Variants in EEFSEC observed in about 807,000 individuals in gnomAD.
The protein encoded by EEFSEC is eukaryotic elongation factor, selenocysteine-tRNA specific.
A neutral mutation model predicts 42.1 loss-of-function variants in EEFSEC; 43 were observed. The ratio of observed to expected loss-of-function variants is 1.02; its 90% confidence interval spans 0.80 to 1.32. The LOEUF is 1.32. Among genes scored for constraint, EEFSEC ranks in the 40% most tolerant of loss-of-function variants. EEFSEC has a pLI of 0.00. For missense variants in EEFSEC, 745 were observed against 803.6 expected, an observed-to-expected ratio of 0.93 and a Z score of 0.88; for synonymous variants, 354 against 339.1, an observed-to-expected ratio of 1.04 and a Z score of -0.48.
In EEFSEC at chr3:128,383,697, G is replaced by C. The variant is rs149167136; in HGVS notation, c.1601-24372G>C. On this transcript the variant is annotated intron_variant, in intron 6 of 6. Coordinates refer to ENST00000254730, the MANE Select transcript of EEFSEC (RefSeq NM_021937.5). ...ACTTGGCAGGCACCACCCCCTTCCT[G>C]GCCTCGTGCCAGGCCCTGAGTCAGA... 7.3e-3 allele frequency among the ~76,000 whole-genome samples: 1,117 copies of C among 152,370 alleles called. 2 individuals carry two copies. Among genetic ancestry groups the C allele is most frequent in the South Asian group, 0.024 (117 of 4,828 alleles).
chr3:128,364,664 C>T (rs2067567448), intron 6 of EEFSEC, among the ~76,000 whole-genome samples: 1 of 152,228 alleles, frequency 6.6e-6, no homozygotes, highest in Non-Finnish European at 1.5e-5. Flanking sequence ...CATTCATCTA[C>T]TGCTGACTCT....
chr3:128,374,536 G>T (rs1412236614), intron 6 of EEFSEC, among the ~76,000 whole-genome samples: 1 of 152,068 alleles, frequency 6.6e-6, no homozygotes, highest in African/African-American at 2.4e-5. Flanking sequence ...AGACCTAGGG[G>T]GCTTTCTACT....
intron 6 of EEFSEC, among the ~76,000 whole-genome samples, chr3:128,390,804 A>G (rs2067903535): frequency 6.6e-6 from 1 of 152,062 alleles, no homozygotes. Flanking sequence ...CTCATACCCC[A>G]TGATCACCCC....
intron 1 of EEFSEC, among the ~76,000 whole-genome samples, chr3:128,195,628 T>G (rs2065576589): frequency 6.6e-6 from 1 of 152,182 alleles, no homozygotes; most frequent in African/African-American, 2.4e-5. Context: ...CTCTCCATAA[T>G]GGAGATGAAG....
intron 1 of EEFSEC, among the ~76,000 whole-genome samples, chr3:128,219,207 G>A (rs2065839770): frequency 6.6e-6 from 1 of 152,242 alleles, no homozygotes; most frequent in South Asian, 2.1e-4. Context: ...TCTCCCATTG[G>A]AGTGATGGCA....
intron 1 of EEFSEC, among the ~76,000 whole-genome samples, chr3:128,207,620 G>C (rs1052359741): frequency 1.3e-5 from 2 of 150,456 alleles, no homozygotes; most frequent in African/African-American, 4.9e-5. Context: ...ACAAGATAAG[G>C]ATAACGTAAA....
intron 2 of EEFSEC, among the ~76,000 whole-genome samples, chr3:128,251,145 C>G (rs2107907454): frequency 6.6e-6 from 1 of 152,148 alleles, no homozygotes; most frequent in East Asian, 1.9e-4. Context: ...TAGTTGTAGT[C>G]ATGAGGCATG....
intron 4 of EEFSEC, among the ~76,000 whole-genome samples, chr3:128,301,942 G>T (rs1265408118): frequency 6.6e-6 from 1 of 152,102 alleles, no homozygotes; most frequent in African/African-American, 2.4e-5. Flanking sequence ...GAAGGGACCT[G>T]GGGGGCTACT....
chr3:128,275,993 C>A (rs1427848331), intron 4 of EEFSEC, among the ~76,000 whole-genome samples: 2 of 152,200 alleles, frequency 1.3e-5, no homozygotes, highest in East Asian at 3.9e-4. Flanking sequence ...TCTCGAGGCT[C>A]CTGGGTGCCG....
chr3:128,217,136 A>G (rs2065818748), intron 1 of EEFSEC, among the ~76,000 whole-genome samples: 1 of 152,168 alleles, frequency 6.6e-6, no homozygotes. Context: ...TAGTGATGAG[A>G]GCTGATAGCT....
At chr3:128,253,760 C>T (rs974465496) in intron 2 of EEFSEC, among the ~76,000 whole-genome samples, 6 of 152,142 alleles carry the variant, frequency 3.9e-5, no homozygotes, top group Non-Finnish European at 5.9e-5. Context: ...ACCTAAGCCC[C>T]GCTACTTCTG....
intron 2 of EEFSEC, among the ~76,000 whole-genome samples, chr3:128,259,219 A>T (rs2066273230): frequency 6.6e-6 from 1 of 152,194 alleles, no homozygotes; most frequent in Admixed American, 6.5e-5. Context: ...AGAAGCACTT[A>T]GAGCAAGCCT....
At chr3:128,293,661 A>AAAAAAAAAAAAC (rs2066669354) in intron 4 of EEFSEC, among the ~76,000 whole-genome samples, 2 of 69,138 alleles carry the variant, frequency 2.9e-5, no homozygotes, top group African/African-American at 1.2e-4. Flanking sequence ...ACTCTATCTC[A>AAAAAAAAAAAAC]AAAAAAAAAA....
intron 1 of EEFSEC, among the ~76,000 whole-genome samples, chr3:128,180,216 G>A (rs1057013264): frequency 3.9e-5 from 6 of 152,050 alleles, no homozygotes; most frequent in African/African-American, 1.4e-4. Flanking sequence ...TCATCAGATC[G>A]AGTACTTAAG....
chr3:128,209,564 TA>T (rs2065734802), intron 1 of EEFSEC, among the ~76,000 whole-genome samples: 1 of 152,240 alleles, frequency 6.6e-6, no homozygotes, highest in Non-Finnish European at 1.5e-5. Context: ...ATGCCATATA[TA>T]TTCTGATTTA....
chr3:128,379,254 C>T (rs575002601), intron 6 of EEFSEC, among the ~76,000 whole-genome samples: 32 of 152,318 alleles, frequency 2.1e-4, no homozygotes, highest in African/African-American at 7.0e-4. Flanking sequence ...GAGAGCACTT[C>T]GGGGTGTACT....
chr3:128,177,657 G>A (rs1386632463), intron 1 of EEFSEC, among the ~76,000 whole-genome samples: 1 of 152,066 alleles, frequency 6.6e-6, no homozygotes, highest in Non-Finnish European at 1.5e-5. Context: ...CTCCATTTGA[G>A]GAGTTCATTA....
intron 4 of EEFSEC, among the ~76,000 whole-genome samples, chr3:128,339,756 C>T (rs779756943): frequency 6.6e-6 from 1 of 152,152 alleles, no homozygotes; most frequent in Non-Finnish European, 1.5e-5. Context: ...ATACCCAAGA[C>T]TGGGTAATTT....
chr3:128,361,728 C>G (rs1487141994), intron 6 of EEFSEC, among the ~76,000 whole-genome samples: 1 of 152,192 alleles, frequency 6.6e-6, no homozygotes, highest in Non-Finnish European at 1.5e-5. Flanking sequence ...GGTTGGAAAG[C>G]CCCGTATTTA....
Sources: gnomAD v4.1 joint callset for allele counts (sites outside exome capture counted in the v4.1 genomes callset) on GRCh38, gnomAD v4.1.1 for gene constraint, MANE v1.5 for transcripts, NCBI Gene and HGNC (gene_info 2026-07-23, HGNC 2026-07-21) for gene names.